The following PHLDB2 variants were observed in gnomAD, a reference collection of about 807,000 sequenced individuals.
The protein encoded by PHLDB2 is pleckstrin homology-like domain family B member 2.
A neutral mutation model predicts 123.6 loss-of-function variants in PHLDB2; 71 were observed. The observed-to-expected ratio is 0.57, with a 90% confidence interval of 0.47 to 0.70. PHLDB2 has a LOEUF of 0.70. PHLDB2 is among the 30% of genes least tolerant of loss of function. The pLI is 0.00. For synonymous variants in PHLDB2, 547 were observed against 541.6 expected, an observed-to-expected ratio of 1.01 and a Z score of -0.14; for missense variants, 1,446 against 1,519.5, an observed-to-expected ratio of 0.95 and a Z score of 0.80.
intron 1 of PHLDB2, among the ~76,000 whole-genome samples, chr3:111,777,726 C>T (rs1287935718): frequency 6.6e-6 from 1 of 151,954 alleles, no homozygotes; most frequent in Non-Finnish European, 1.5e-5. Flanking sequence ...CTGTTTAATA[C>T]AATAAAAAAG....
Position 111,777,865 on chromosome 3 carries a change from T to C in PHLDB2, c.-49+45162T>C, listed in dbSNP as rs147578112. Among the ~76,000 whole-genome samples the C allele has an allele frequency of 4.3e-4, 65 of 152,180 alleles. 1 individual carries two copies. In the East Asian group the frequency reaches 0.012, roughly 27 times the overall value. On this transcript the variant is annotated intron_variant, in intron 1 of 17. Coordinates refer to the PHLDB2 transcript ENST00000393923. ...ACTAGTTTTAGATGTAAAACACCTGTTTTACCCCAGTATAGATGTTACATA... is the reference window on the plus strand; with the variant it reads ...ACTAGTTTTAGATGTAAAACACCTGCTTTACCCCAGTATAGATGTTACATA...
intron 1 of PHLDB2, among the ~76,000 whole-genome samples, chr3:111,785,591 A>G (rs1258454749): frequency 2.0e-5 from 3 of 152,164 alleles, no homozygotes; most frequent in African/African-American, 7.2e-5. Flanking sequence ...TAAATATGAC[A>G]GGATTCTTCC....
chr3:111,745,422 G>A (rs1559808748), intron 1 of PHLDB2, among the ~76,000 whole-genome samples: 1 of 152,184 alleles, frequency 6.6e-6, no homozygotes, highest in Admixed American at 6.6e-5. Context: ...CTATGAGGTA[G>A]CTAATGATAT....
rs529127978 is a variant in PHLDB2, at chr3:111,771,395, G to A, written c.-49+38692G>A. On this transcript the variant is annotated intron_variant, in intron 1 of 17. Transcript: ENST00000393923. ...GACAGAGTCTTGCTCACTTGCCCAG[G>A]CTGGAGTGCAGTGGTGCCATCTCGG... Among the ~76,000 whole-genome samples the A allele has an allele frequency of 7.9e-5, 12 of 151,286 alleles. No homozygotes were observed. In the South Asian group the frequency reaches 2.5e-3, roughly 32 times the overall value.
rs1448405957 is a variant in PHLDB2 at position 111,831,013 on chromosome 3, G to GAAAGA, written c.-48-14805_-48-14801dup. Among the ~76,000 whole-genome samples the GAAAGA allele has an allele frequency of 8.2e-3, 836 of 102,146 alleles. 71 individuals are homozygous for GAAAGA. The highest frequency in any genetic ancestry group is 0.013 in the Middle Eastern group (3 of 228). 67.0% of individuals were successfully genotyped at this position (102,146 alleles called of 152,430 possible). ...AGAAAGAAAGAAAGAAAGAAAGAAAGAAAGAAAGAAAGAAAGAAAGGAAGG... is the reference window on the plus strand; with the variant it reads ...AGAAAGAAAGAAAGAAAGAAAGAAAGAAAGAAAAGAAAGAAAGAAAGAAAGGAAGG... On this transcript the variant is annotated intron_variant, in intron 1 of 17. Coordinates refer to the PHLDB2 transcript ENST00000393923.
chr3:111,843,321 G>A (rs896684110), intron 1 of PHLDB2, among the ~76,000 whole-genome samples: 8 of 152,192 alleles, frequency 5.3e-5, no homozygotes, highest in African/African-American at 1.9e-4. Context: ...TGGTATTGAT[G>A]TGCCTTTCCC....
intron 1 of PHLDB2, among the ~76,000 whole-genome samples, chr3:111,766,589 C>A (rs1197989025): frequency 6.6e-6 from 1 of 152,122 alleles, no homozygotes; most frequent in Non-Finnish European, 1.5e-5. Context: ...ATAGTGCTTA[C>A]CAAATGTAGA....
At chr3:111,758,932 G>A (rs915600775) in intron 1 of PHLDB2, among the ~76,000 whole-genome samples, 3 of 152,032 alleles carry the variant, frequency 2.0e-5, no homozygotes, top group African/African-American at 7.2e-5. Flanking sequence ...GCTATGTTTT[G>A]CTAATGGGTC....
Position 111,747,750 on chromosome 3 carries a change from C to A in PHLDB2, c.-49+15047C>A, listed in dbSNP as rs144492996. Among the ~76,000 whole-genome samples the A allele has an allele frequency of 1.6e-3, 244 of 152,350 alleles. 1 individual carries two copies. The highest frequency in any genetic ancestry group is 5.6e-3 in the African/African-American group (231 of 41,588). On this transcript the variant is annotated intron_variant, in intron 1 of 17. Coordinates refer to the PHLDB2 transcript ENST00000393923. The stretch of plus-strand genomic sequence containing the variant: ...TAAAGCAGTGTTTAGCAGTCTGACT[C>A]ATGCATCAATACCTTTATTTTTACT...
chr3:111,799,723 T>C (rs1173936756), intron 1 of PHLDB2, among the ~76,000 whole-genome samples: 4 of 152,168 alleles, frequency 2.6e-5, no homozygotes, highest in African/African-American at 7.2e-5. Context: ...TGTGAAGATA[T>C]CTATTGTGGT....
chr3:111,939,403 T>C, intron 6 of PHLDB2, 72 bp from the exon 7 acceptor site: 1 of 1,468,914 alleles, frequency 6.8e-7, no homozygotes. Flanking sequence ...CTGCTTTTAA[T>C]AAATGTTTCT....
chr3:111,794,554 G>A (rs2061070269), intron 1 of PHLDB2, among the ~76,000 whole-genome samples: 1 of 152,092 alleles, frequency 6.6e-6, no homozygotes, highest in African/African-American at 2.4e-5. Flanking sequence ...ATTGCTGGAG[G>A]GTGCTATTTG....
intron 1 of PHLDB2, among the ~76,000 whole-genome samples, chr3:111,870,529 C>T (rs886342977): frequency 2.6e-5 from 4 of 152,138 alleles, no homozygotes; most frequent in African/African-American, 9.6e-5. Context: ...ATAATTAGCT[C>T]CCTCTTCCAT....
intron 1 of PHLDB2, among the ~76,000 whole-genome samples, chr3:111,876,566 G>C (rs572359301): frequency 6.6e-6 from 1 of 152,186 alleles, no homozygotes; most frequent in East Asian, 1.9e-4. Flanking sequence ...GAGAGAAAAT[G>C]TATTTACTTT....
At chr3:111,879,078 G>A (rs555877316) in intron 1 of PHLDB2, among the ~76,000 whole-genome samples, 2 of 152,174 alleles carry the variant, frequency 1.3e-5, no homozygotes, top group African/African-American at 4.8e-5. Context: ...AAATGAGTTA[G>A]GGAGCATTTC....
chr3:111,934,841 A>G (rs1318311043), intron 6 of PHLDB2, among the ~76,000 whole-genome samples: 1 of 152,206 alleles, frequency 6.6e-6, no homozygotes, highest in Non-Finnish European at 1.5e-5. Flanking sequence ...CTCATTTCAT[A>G]TATGAGGATA....
Position 111,781,796 on chromosome 3 carries a change from A to G in PHLDB2, c.-49+49093A>G, listed in dbSNP as rs77268465. Among the ~76,000 whole-genome samples the G allele has an allele frequency of 1.8e-3, 269 of 152,244 alleles. 3 individuals are homozygous for G. The East Asian group carries it at 0.044, about 25-fold the overall frequency. On this transcript the variant is annotated intron_variant, in intron 1 of 17. Coordinates refer to the PHLDB2 transcript ENST00000393923. ...GCATAGTAAGTACAGTTTGGGGGAA[A>G]GGTGTTTTTTAATCTAGAAAAGAAT...
chr3:111,973,255 C>T (rs577897386), intron 16 of PHLDB2, among the ~76,000 whole-genome samples: 148 of 151,242 alleles, frequency 9.8e-4, no homozygotes, highest in Non-Finnish European at 1.4e-3. Context: ...AAATCACGCA[C>T]CCTGAATAAG....
chr3:111,958,607 G>T, intron 12 of PHLDB2: 1 of 426,508 alleles, frequency 2.3e-6, no homozygotes, highest in Non-Finnish European at 4.6e-6. Context: ...TGGGTTCCTT[G>T]TGTGGCTATG....
Sources: gnomAD v4.1 joint callset for allele counts (sites outside exome capture counted in the v4.1 genomes callset) on GRCh38, gnomAD v4.1.1 for gene constraint, MANE v1.5 for transcripts, NCBI Gene and HGNC (gene_info 2026-07-23, HGNC 2026-07-21) for gene names.